Variants in DHRS7C observed in about 807,000 individuals in gnomAD.
DHRS7C encodes dehydrogenase/reductase SDR family member 7C.
Under a neutral mutation model 29.6 loss-of-function variants are expected in DHRS7C, and 28 were observed. That is an observed-to-expected ratio of 0.95 (90% CI 0.70 to 1.30). The LOEUF (loss-of-function observed/expected upper bound fraction) is 1.30. Among genes scored for constraint, DHRS7C ranks in the 50% most tolerant of loss-of-function variants. The pLI is 0.00. For synonymous variants in DHRS7C, 158 were observed against 160.2 expected, an observed-to-expected ratio of 0.99 and a Z score of 0.10; for missense variants, 403 against 393.3, an observed-to-expected ratio of 1.02 and a Z score of -0.21.
At chr17:9,783,732 A>G (rs1489293664) in intron 1 of DHRS7C, among the ~76,000 whole-genome samples, 2 of 152,144 alleles carry the variant, frequency 1.3e-5, no homozygotes, top group African/African-American at 4.8e-5. Context: ...TTGGGAGGCC[A>G]AGGTGAGCAG....
rs533340196 is a variant in DHRS7C, at chr17:9,772,436, C to T, written c.727+331G>A. Among the ~76,000 whole-genome samples, 18 of 152,214 alleles carry T rather than the reference C, an allele frequency of 1.2e-4. No individual in the cohort carries two copies. The South Asian group carries it at 2.7e-3, about 23-fold the overall frequency. On this transcript the variant is annotated intron_variant, in intron 5 of 5. Transcript: ENST00000571134. ...CACTCTGTGCAAGGGAAAGGGGGAGCGGGAAAGTTCTTTAACCCCGAATCC... is the reference window on the plus strand; with the variant it reads ...CACTCTGTGCAAGGGAAAGGGGGAGTGGGAAAGTTCTTTAACCCCGAATCC...
chr17:9,775,531 C>T lies in DHRS7C; in HGVS notation c.571+1662G>A, dbSNP rs1011593218. ...CAGCAGGGACCCAGTGGTGACCACA[C>T]GGAAGATGTTGTTGATGGAATGACT... On this transcript the variant is annotated intron_variant, in intron 4 of 5. Coordinates refer to ENST00000571134, the MANE Select transcript of DHRS7C (RefSeq NM_001105571.3). The surrounding 1 kb of genome is among the most constrained non-coding windows in gnomAD (Gnocchi z 4.2). Among the ~76,000 whole-genome samples, 9 of 152,150 alleles carry T rather than the reference C, an allele frequency of 5.9e-5. No homozygotes were observed. The highest frequency in any genetic ancestry group is 1.4e-4 in the African/African-American group (6 of 41,422).
intron 4 of DHRS7C, among the ~76,000 whole-genome samples, chr17:9,773,536 G>C (rs1421100508): frequency 6.6e-6 from 1 of 152,100 alleles, no homozygotes; most frequent in Non-Finnish European, 1.5e-5. Context: ...TGGGAAGTTA[G>C]AGCCACATCT....
At position 9,779,923 on chromosome 17, in the gene DHRS7C, G is replaced by T; in HGVS notation, c.380C>A (p.Ala127Asp). 3 of 1,613,896 alleles carry T rather than the reference G, an allele frequency of 1.9e-6. No homozygotes were observed. Among genetic ancestry groups the T allele is most frequent in the Non-Finnish European group, 2.5e-6 (3 of 1,179,870 alleles). The change falls in exon 3 of 6, where the codon GCC becomes GAC. Residue 127 changes from alanine to aspartate, a missense_variant. Physicochemically the swap from Ala to Asp is moderately radical, Grantham distance 126. Transcript: ENST00000571134. ...YGCVDILINNASVKVKGPAHK... is the reference protein window; with the variant it reads ...YGCVDILINNDSVKVKGPAHK... ...GGCAGGCCCCTTCACCTTCACACTG[G>T]CATTGTTGATGAGGATGTCCACACA...
chr17:9,778,470 C>T (rs954177010), intron 3 of DHRS7C, among the ~76,000 whole-genome samples: 1 of 152,012 alleles, frequency 6.6e-6, no homozygotes, highest in Non-Finnish European at 1.5e-5. Context: ...GGGACTAGAC[C>T]CAGGGTCCTT....
Position 9,771,637 on chromosome 17 carries a change from G to C in DHRS7C, c.787C>G (p.Arg263Gly), listed in dbSNP as rs138811643. Residue 263 changes from arginine to glycine, a missense_variant, in exon 6 of 6, where the codon CGC becomes GGC. Arg to Gly is a moderately radical substitution (Grantham distance 125). Coordinates refer to ENST00000571134, the MANE Select transcript of DHRS7C (RefSeq NM_001105571.3). ...HPVEVAEEVM[R>G]TVRRKKQEVF... ...TCTTGCTTCTTCCTCCGCACGGTGC[G>C]CATCACCTCCTCCGCCACCTCTACT... 109 of 1,591,362 alleles carry C rather than the reference G, an allele frequency of 6.8e-5. 1 individual carries two copies. In the African/African-American group the frequency reaches 1.3e-3, roughly 18 times the overall value.
intron 4 of DHRS7C, 102 bp from the exon 5 acceptor site, chr17:9,773,024 G>A: frequency 2.1e-6 from 3 of 1,398,542 alleles, no homozygotes; most frequent in South Asian, 2.7e-5. Flanking sequence ...TTTCCTACAG[G>A]CGCAGAGCTG....
chr17:9,786,393 G>GA (rs1249861618), intron 1 of DHRS7C, among the ~76,000 whole-genome samples: 1 of 145,064 alleles, frequency 6.9e-6, no homozygotes, highest in Non-Finnish European at 1.6e-5. Context: ...GGAACCGCCT[G>GA]ATTTTTTTTT....
rs764191851 is a variant in DHRS7C at position 9,781,613 on chromosome 17, C to T, written c.155-19G>A. On this transcript the variant is annotated intron_variant, in intron 1 of 5. Coordinates refer to ENST00000571134, the MANE Select transcript of DHRS7C (RefSeq NM_001105571.3). ...GCACACTCTGTGGGGAAGAAGGAAA[C>T]AGGGCAGGGCACACTGTGTGGATGG... 1 of 1,611,392 alleles carries T rather than the reference C, an allele frequency of 6.2e-7. No individual in the cohort carries two copies. Among genetic ancestry groups the T allele is most frequent in the East Asian group, 2.2e-5 (1 of 44,870 alleles).
intron 3 of DHRS7C, among the ~76,000 whole-genome samples, chr17:9,778,273 A>T (rs940002114): frequency 6.6e-6 from 1 of 152,088 alleles, no homozygotes; most frequent in African/African-American, 2.4e-5. Flanking sequence ...GGGCGCCTGT[A>T]GTCCCAGCTA....
chr17:9,780,837 C>T (rs973037401), intron 2 of DHRS7C, among the ~76,000 whole-genome samples: 8 of 152,246 alleles, frequency 5.3e-5, no homozygotes, highest in African/African-American at 1.9e-4. Context: ...ACACAATTGA[C>T]CGCAAACCCT....
intron 1 of DHRS7C, among the ~76,000 whole-genome samples, chr17:9,787,096 C>T (rs1021785112): frequency 3.9e-5 from 6 of 152,182 alleles, no homozygotes; most frequent in African/African-American, 1.2e-4. Flanking sequence ...CAGGCGTCCA[C>T]CATCATGCCC....
At chr17:9,781,055 G>A (rs2066390234) in intron 2 of DHRS7C, among the ~76,000 whole-genome samples, 1 of 152,118 alleles carries the variant, frequency 6.6e-6, no homozygotes, top group African/African-American at 2.4e-5. Context: ...AAAAACCTTT[G>A]GAAACTGCAG....
In DHRS7C at chr17:9,779,822, G is replaced by A; in HGVS notation, c.478+3C>T. 1 of 1,610,536 alleles carries A rather than the reference G, an allele frequency of 6.2e-7. No individual in the cohort carries two copies. The highest frequency in any genetic ancestry group is 8.5e-7 in the Non-Finnish European group (1 of 1,178,344). On this transcript the variant is annotated splice_donor_region_variant and intron_variant, in intron 3 of 5. Transcript: ENST00000571134. Reference sequence around the variant, plus strand: ...ACCCATGGGAAAGTCAAACTCACGAGACCTTTCGTCAATGTGATGGGGCCA... The same window carrying A: ...ACCCATGGGAAAGTCAAACTCACGAAACCTTTCGTCAATGTGATGGGGCCA...
At chr17:9,790,863 A>T (rs2066450956) in intron 1 of DHRS7C, among the ~76,000 whole-genome samples, 1 of 152,228 alleles carries the variant, frequency 6.6e-6, no homozygotes, top group Admixed American at 6.5e-5. Context: ...CCATGAAGCC[A>T]AAACAAATCA....
At chr17:9,788,637 A>G (rs781619067) in intron 1 of DHRS7C, among the ~76,000 whole-genome samples, 1 of 152,050 alleles carries the variant, frequency 6.6e-6, no homozygotes, top group Non-Finnish European at 1.5e-5. Context: ...TCCCTAGTAA[A>G]CAACTTGGTG....
At chr17:9,790,678 T>C (rs2066449689) in intron 1 of DHRS7C, among the ~76,000 whole-genome samples, 2 of 152,186 alleles carry the variant, frequency 1.3e-5, no homozygotes, top group South Asian at 4.1e-4. Context: ...AATGGCAGCA[T>C]GAGGTAGAGA....
intron 1 of DHRS7C, among the ~76,000 whole-genome samples, chr17:9,788,578 G>C (rs2066437503): frequency 6.6e-6 from 1 of 152,206 alleles, no homozygotes; most frequent in South Asian, 2.1e-4. Context: ...AAATCCAGGA[G>C]GTTTAGAGCG....
rs193023997 is a variant in DHRS7C, at chr17:9,790,891, T to A, written c.154+240A>T. On this transcript the variant is annotated intron_variant, in intron 1 of 5. Coordinates refer to ENST00000571134, the MANE Select transcript of DHRS7C (RefSeq NM_001105571.3). ...ACAAATCACATCTGCAGACCAGTTT[T>A]AGCCCTTAGGCTGTGAGTTTGCAAC... Among the ~76,000 whole-genome samples, 16 of 152,356 alleles carry A rather than the reference T, an allele frequency of 1.1e-4. No homozygotes were observed. In the East Asian group the frequency reaches 2.7e-3, roughly 26 times the overall value.
Sources: gnomAD v4.1 joint callset for allele counts (sites outside exome capture counted in the v4.1 genomes callset) on GRCh38, gnomAD v4.1.1 for gene constraint, Gnocchi (gnomAD v3.1) non-coding constraint, MANE v1.5 for transcripts, NCBI Gene and HGNC (gene_info 2026-07-23, HGNC 2026-07-21) for gene names.